PLCD3: variants seen among roughly 807,000 people sequenced by gnomAD.
PLCD3 encodes the protein 1-phosphatidylinositol 4,5-bisphosphate phosphodiesterase delta-3.
In PLCD3, 62 loss-of-function variants were observed where a neutral mutation model predicts 82.8. The observed-to-expected ratio is 0.75, with a 90% CI of 0.61 to 0.93. The LOEUF is 0.93. PLCD3 is among the 40% of genes least tolerant of loss of function. PLCD3 has a pLI of 0.00. For missense variants in PLCD3, 1,023 were observed against 1,103.4 expected (o/e 0.93, Z 1.03); for synonymous variants, 478 against 471.8 (o/e 1.01, Z -0.17).
Position 45,115,163 on chromosome 17 carries a change from TG to T in PLCD3, c.1641del (p.Asn548ThrfsTer35). ...ATRLRTLHPA[P>X]NAPQPCQVSS... ...CTGACCTGGCAGGGTTGTGGGGCGT[TG>T]GGGGCAGGGTGCAGGGTCCGCAGGC... On this transcript the variant is annotated frameshift_variant, in exon 10 of 15. Transcript: ENST00000619929. LOFTEE classifies it high-confidence loss of function. The T allele has an allele frequency of 6.3e-7, 1 of 1,598,332 alleles. No homozygotes were observed. The highest frequency in any genetic ancestry group is 1.1e-5 in the South Asian group (1 of 88,230).
Position 45,115,451 on chromosome 17 carries a change from G to T in PLCD3, c.1453C>A (p.Pro485Thr). The T allele has an allele frequency of 6.2e-7, 1 of 1,612,398 alleles. No individual in the cohort carries two copies. The highest frequency in any genetic ancestry group is 1.1e-5 in the South Asian group (1 of 90,728). Residue 485 changes from proline (P) to threonine (T), a missense_variant, in exon 9 of 15, where the codon CCC becomes ACC. Physicochemically the swap from Pro to Thr is conservative, Grantham distance 38 (BLOSUM62 -1). Transcript: ENST00000619929. Reference protein sequence around the residue: ...GRVLVKGKKLPAARSEDGRAL... With the variant: ...GRVLVKGKKLTAARSEDGRAL... ...CGGCCATCCTCGCTCCGAGCAGCGG[G>T]CAACTTCTTTCCCTTCACCAGGACC... is the stretch of plus-strand genomic sequence containing the variant.
intron 1 of PLCD3, among the ~76,000 whole-genome samples, chr17:45,128,690 C>T (rs558516613): frequency 7.7e-4 from 117 of 152,338 alleles, no homozygotes; most frequent in African/African-American, 2.4e-3. Context: ...CAGGCACACA[C>T]GGGGCTGTGG....
chr17:45,113,320 C>G (rs1460652543), intron 12 of PLCD3, 63 bp from the exon 13 acceptor site: 76 of 1,553,658 alleles, frequency 4.9e-5, no homozygotes, highest in Non-Finnish European at 3.5e-6. Context: ...TCATGGGCCT[C>G]AAGCTCACAC....
Position 45,118,814 on chromosome 17 carries a change from C to A in PLCD3, c.913+1G>T, listed in dbSNP as rs779374783. ...CGACCTGGCCGTGCCACCCCCCCCA[C>A]CTGTCTCGTTGAGCTCATAGGTCTG... is the stretch of plus-strand genomic sequence containing the variant. On this transcript the variant is annotated splice_donor_variant, in intron 5 of 14. Coordinates refer to ENST00000619929, the MANE Select transcript of PLCD3 (RefSeq NM_133373.5). LOFTEE classifies it high-confidence loss of function. The surrounding 1 kb of genome is among the most constrained non-coding windows in gnomAD (Gnocchi z 4.1). The A allele has an allele frequency of 1.3e-6, 2 of 1,599,324 alleles. No homozygotes were observed. The highest frequency in any genetic ancestry group is 2.2e-5 in the East Asian group (1 of 44,548).
chr17:45,120,582 T>A, intron 3 of PLCD3, 128 bp from the exon 4 acceptor site: 1 of 1,245,754 alleles, frequency 8.0e-7, no homozygotes, highest in Non-Finnish European at 1.1e-6. Flanking sequence ...CCCCTTGGCC[T>A]GTGCACTCCC....
At chr17:45,130,754 A>T (rs12946454) in intron 1 of PLCD3, among the ~76,000 whole-genome samples, 31,569 of 151,592 alleles carry the variant, frequency 0.21, 3,762 homozygotes, top group South Asian at 0.3. Context: ...CTCCTGCCCA[A>T]GCCCTTTCTG....
At position 45,116,760 on chromosome 17, in the gene PLCD3, A is replaced by G; in HGVS notation, c.1285T>C (p.Ser429Pro). The change falls in exon 8 of 15, where the codon TCC becomes CCC. Residue 429 changes from serine (S) to proline (P), a missense_variant. Around this residue, in one of 3 missense-constraint regions of PLCD3, gnomAD observed 553 missense variants for 655.7 expected, o/e 0.84. Transcript: ENST00000619929. ...FTLSPYPVILSLENHCGLEQQ... is the reference protein window; with the variant it reads ...FTLSPYPVILPLENHCGLEQQ... The stretch of plus-strand genomic sequence containing the variant: ...TCCAGCCCGCAGTGGTTCTCCAGGG[A>G]TAGGATGACAGGGTAAGGGGACAGC... The G allele has an allele frequency of 6.2e-7, 1 of 1,606,412 alleles. No homozygotes were observed.
chr17:45,116,058 C>A (rs1305906234), intron 8 of PLCD3, among the ~76,000 whole-genome samples: 1 of 152,152 alleles, frequency 6.6e-6, no homozygotes, highest in African/African-American at 2.4e-5. Flanking sequence ...CACACACACA[C>A]GAGGGTGAGT....
chr17:45,114,169 G>A, intron 11 of PLCD3, 81 bp downstream of exon 11: 1 of 1,010,794 alleles, frequency 9.9e-7, no homozygotes, highest in Non-Finnish European at 1.4e-6. Context: ...CCGTCTGGAA[G>A]GCTGTGTGGG....
chr17:45,114,418 A>G (rs186081141), intron 10 of PLCD3, 52 bp from the exon 11 acceptor site: 1 of 1,438,804 alleles, frequency 7.0e-7, no homozygotes, highest in Admixed American at 2.2e-5. Context: ...TCCCTCACCC[A>G]AAGCCCCGGC....
chr17:45,123,760 C>T (rs979797371), intron 1 of PLCD3, among the ~76,000 whole-genome samples: 27 of 152,198 alleles, frequency 1.8e-4, no homozygotes, highest in Admixed American at 2.0e-4. Flanking sequence ...AAATCCACCT[C>T]CTTAAGAGGC....
chr17:45,121,348 C>A lies in PLCD3; in HGVS notation c.188G>T (p.Arg63Leu). The change falls in exon 2 of 15, where the codon CGC becomes CTC. Residue 63 changes from arginine (R) to leucine (L), a missense_variant. By Grantham distance (102) the Arg-to-Leu change is moderately radical. Transcript: ENST00000619929. Reference sequence around the variant, plus strand: ...GAGCCGGGAGCCCCGCAGCATGGCGCGCACGTCCTCGTCCTCCGTCAGGCC... The same window carrying A: ...GAGCCGGGAGCCCCGCAGCATGGCGAGCACGTCCTCGTCCTCCGTCAGGCC... ...KMGLTEDEDVRAMLRGSRLRK... is the reference protein window; with the variant it reads ...KMGLTEDEDVLAMLRGSRLRK... The A allele has an allele frequency of 6.5e-7, 1 of 1,539,184 alleles. No homozygotes were observed. Among genetic ancestry groups the A allele is most frequent in the Non-Finnish European group, 8.7e-7 (1 of 1,150,568 alleles).
intron 10 of PLCD3, among the ~76,000 whole-genome samples, chr17:45,114,615 T>A (rs2054274906): frequency 6.6e-6 from 1 of 151,994 alleles, no homozygotes; most frequent in East Asian, 1.9e-4. Context: ...TCCAACCAAG[T>A]ACACTGAATG....
In PLCD3 at chr17:45,132,277, C is replaced by T; in HGVS notation, c.134G>A (p.Arg45Lys). ...PPTPSDGGTK[R>K]PGLRALKKMG... Reference sequence around the variant, plus strand: ...CTTCTTCAGCGCCCGCAGCCCGGGCCTCTTGGTGCCGCCATCGGAGGGAGT... The same window carrying T: ...CTTCTTCAGCGCCCGCAGCCCGGGCTTCTTGGTGCCGCCATCGGAGGGAGT... Residue 45 changes from arginine to lysine, a missense_variant, in exon 1 of 15, where the codon AGG (arginine) becomes AAG (lysine). Physicochemically the swap from Arg to Lys is conservative, Grantham distance 26 (BLOSUM62 2). This residue lies in a region of PLCD3 where 448 missense variants were observed against 406.3 expected (regional missense o/e 1.10). Transcript: ENST00000619929. The surrounding 1 kb of genome is among the most constrained non-coding windows in gnomAD (Gnocchi z 4.6). 2 of 1,274,428 alleles carry T rather than the reference C, an allele frequency of 1.6e-6. No homozygotes were observed. Among genetic ancestry groups the T allele is most frequent in the Non-Finnish European group, 2.0e-6 (2 of 1,009,622 alleles). 78.9% of individuals were successfully genotyped at this position (1,274,428 alleles called of 1,614,324 possible). A position where few individuals can be genotyped will look rare whatever the true frequency, so the allele number is the denominator to read the frequency against.
In PLCD3 at chr17:45,118,536, C is replaced by T. The variant is rs746728800; in HGVS notation, c.914-44G>A. ...AGGGCATCAGGCCACATAGGGATCC[C>T]CCATGTCCAGCTTCCAATGCCCCCA... On this transcript the variant is annotated intron_variant, in intron 5 of 14. Transcript: ENST00000619929. This position sits in a 1 kb window ranked among gnomAD's most constrained non-coding sequence, Gnocchi z 4.1. 2.5e-6 allele frequency: 4 copies of T among 1,603,898 alleles called. No individual in the cohort carries two copies. Among genetic ancestry groups the T allele is most frequent in the East Asian group, 2.2e-5 (1 of 44,764 alleles).
chr17:45,113,556 C>T lies in PLCD3; in HGVS notation c.1878G>A (p.Gly626=), dbSNP rs1309168520. Residue 626 remains glycine, a synonymous_variant, in exon 12 of 15, where the codon GGG becomes GGA. Coordinates refer to ENST00000619929, the MANE Select transcript of PLCD3 (RefSeq NM_133373.5). The part of the protein sequence containing the change: ...TPGYEMDLNA[G]RFLVNGQCGY... Reference sequence around the variant, plus strand: ...CACACTGCCCATTGACTAGGAAGCGCCCGGCATTGAGGTCCATCTCGTAGC... The same window carrying T: ...CACACTGCCCATTGACTAGGAAGCGTCCGGCATTGAGGTCCATCTCGTAGC... 1.3e-6 allele frequency: 2 copies of T among 1,561,142 alleles called. No individual in the cohort carries two copies. Among genetic ancestry groups the T allele is most frequent in the East Asian group, 2.4e-5 (1 of 41,722 alleles).
At position 45,111,591 on chromosome 17, in the gene PLCD3, T is replaced by C. The variant is rs1049737653; in HGVS notation, c.*1025A>G. ...GGCCCAAGAAACTCATCCAGCCCTGTCCCTCCTCATGGGCCTGTGGGGGTG... is the reference window on the plus strand; with the variant it reads ...GGCCCAAGAAACTCATCCAGCCCTGCCCCTCCTCATGGGCCTGTGGGGGTG... On this transcript the variant is annotated 3_prime_UTR_variant, in exon 15 of 15. Coordinates refer to ENST00000619929, the MANE Select transcript of PLCD3 (RefSeq NM_133373.5). 2.6e-5 allele frequency: 4 copies of C among 152,190 alleles called. No homozygotes were observed. The highest frequency in any genetic ancestry group is 9.7e-5 in the African/African-American group (4 of 41,428). 9.4% of individuals were successfully genotyped at this position (152,190 alleles called of 1,614,324 possible).
At position 45,115,155 on chromosome 17, in the gene PLCD3, TG is replaced by T; in HGVS notation, c.1649del (p.Pro550HisfsTer33). ...LRTLHPAPNAPQPCQVSSLSE... is the reference protein window; with the variant it reads ...LRTLHPAPNAXQPCQVSSLSE... ...TGAGGGAGCTGACCTGGCAGGGTTG[TG>T]GGGCGTTGGGGGCAGGGTGCAGGGT... On this transcript the variant is annotated frameshift_variant, in exon 10 of 15. Transcript: ENST00000619929. LOFTEE classifies it high-confidence loss of function. 1.3e-6 allele frequency: 2 copies of T among 1,598,634 alleles called. No individual in the cohort carries two copies. Among genetic ancestry groups the T allele is most frequent in the South Asian group, 1.1e-5 (1 of 88,314 alleles).
In PLCD3 at chr17:45,120,931, G is replaced by A. The variant is rs1036456134; in HGVS notation, c.525C>T (p.Asp175=). 19 of 1,465,106 alleles carry A rather than the reference G, an allele frequency of 1.3e-5. No individual in the cohort carries two copies. Among genetic ancestry groups the A allele is most frequent in the Non-Finnish European group, 1.7e-5 (19 of 1,115,980 alleles). The allele number at this position is 1,465,106 out of a possible 1,614,324, so 90.8% of individuals were successfully genotyped here. A position where few individuals can be genotyped will look rare whatever the true frequency, so the allele number is the denominator to read the frequency against. Residue 175 remains aspartate (D), a synonymous_variant, in exon 3 of 15, where the codon GAC becomes GAT. Transcript: ENST00000619929. ...RGLTKLRARL[D]AMSQRERLDH... ...CTAGCCGCTCGCGCTGGCTCATGGC[G>A]TCCAGGCGCGCGCGGAGCTTGGTCA...
Sources: gnomAD v4.1 joint callset for allele counts (sites outside exome capture counted in the v4.1 genomes callset) on GRCh38, gnomAD v4.1.1 for gene constraint, gnomAD v4.1.1 regional missense constraint, Gnocchi (gnomAD v3.1) non-coding constraint, MANE v1.5 for transcripts, NCBI Gene and HGNC (gene_info 2026-07-23, HGNC 2026-07-21) for gene names.